The following UBE2E1 variants were observed in gnomAD, a reference collection of about 807,000 sequenced individuals.
UBE2E1 encodes ubiquitin conjugating enzyme E2 E1, also known as ubiquitin-conjugating enzyme E2 E1.
UBE2E1 carries 6 observed loss-of-function variants against 21.4 expected under a neutral mutation model. The observed-to-expected ratio is 0.28, with a 90% CI of 0.15 to 0.55. The LOEUF is 0.55. Ranked by LOEUF, UBE2E1 falls within the 20% of genes least tolerant of loss-of-function variation. The probability of loss-of-function intolerance (pLI) is 0.93; values close to 1 mark genes in which losing one functional copy is unlikely to be tolerated. For synonymous variants in UBE2E1, 87 were observed against 82.7 expected (o/e 1.05, Z -0.28); for missense variants, 142 against 236.5 (o/e 0.60, Z 2.62).
chr3:23,871,568 T>C (rs1256877110), intron 3 of UBE2E1, among the ~76,000 whole-genome samples: 2 of 145,250 alleles, frequency 1.4e-5, no homozygotes, highest in African/African-American at 2.6e-5. Context: ...CGCTCCTCAC[T>C]TCCCAGACGG....
rs559305993 is a variant in UBE2E1 at position 23,879,734 on chromosome 3, C to T, written c.204-7833C>T. Among the ~76,000 whole-genome samples the T allele has an allele frequency of 3.3e-5, 5 of 152,294 alleles. No individual in the cohort carries two copies. In the South Asian group the frequency reaches 6.2e-4, roughly 19 times the overall value. Reference sequence around the variant, plus strand: ...TGTGCCTGGCTGCTCTAACAGTGCTCGCCCAGCAGTCCGCAAGTCTGTTTC... The same window carrying T: ...TGTGCCTGGCTGCTCTAACAGTGCTTGCCCAGCAGTCCGCAAGTCTGTTTC... On this transcript the variant is annotated intron_variant, in intron 3 of 5. Transcript: ENST00000306627.
intron 3 of UBE2E1, among the ~76,000 whole-genome samples, chr3:23,841,163 A>T (rs1258762608): frequency 1.3e-5 from 2 of 152,236 alleles, no homozygotes; most frequent in Admixed American, 6.5e-5. Flanking sequence ...GATTGAAAAG[A>T]TATAAAGAGT....
chr3:23,809,308 G>C (rs1175688145), intron 2 of UBE2E1, among the ~76,000 whole-genome samples: 2 of 152,176 alleles, frequency 1.3e-5, no homozygotes, highest in Non-Finnish European at 2.9e-5. Flanking sequence ...GGGGAAAATT[G>C]ATGTTAGTGG....
chr3:23,811,817 G>T (rs1168500892), intron 3 of UBE2E1, among the ~76,000 whole-genome samples: 4 of 152,186 alleles, frequency 2.6e-5, no homozygotes, highest in African/African-American at 9.7e-5. Flanking sequence ...CATTAAAGAT[G>T]ATGTAAAACC....
In UBE2E1 at chr3:23,842,198, G is replaced by GGGGGTGTGT. The variant is rs1553637704; in HGVS notation, c.203+30689_203+30690insGGGTGTGTG. ...TATGTCATGACCCAGTAAGTGAAGG[G>GGGGGTGTGT]GTGTGTGTGTGTGTGTGTGTGTGTG... On this transcript the variant is annotated intron_variant, in intron 3 of 5. Coordinates refer to ENST00000306627, the MANE Select transcript of UBE2E1 (RefSeq NM_003341.5). The surrounding 1 kb of genome is among the most constrained non-coding windows in gnomAD (Gnocchi z 4.6). Among the ~76,000 whole-genome samples the GGGGGTGTGT allele has an allele frequency of 5.8e-5, 6 of 104,284 alleles. No homozygotes were observed. The highest frequency in any genetic ancestry group is 2.2e-4 in the African/African-American group (6 of 27,628). The allele number at this position is 104,284 out of a possible 152,430, so 68.4% of individuals were successfully genotyped here.
At chr3:23,868,801 A>G (rs367884534) in intron 3 of UBE2E1, among the ~76,000 whole-genome samples, 10 of 151,968 alleles carry the variant, frequency 6.6e-5, no homozygotes, top group Admixed American at 1.3e-4. Flanking sequence ...TATAACCACT[A>G]TTAAGTTCGG....
chr3:23,877,626 C>CCACT (rs1210562214), intron 3 of UBE2E1, among the ~76,000 whole-genome samples: 2 of 152,234 alleles, frequency 1.3e-5, no homozygotes, highest in South Asian at 4.2e-4. Flanking sequence ...CAGTTGAGAA[C>CCACT]CACTGCTCTA....
intron 3 of UBE2E1, among the ~76,000 whole-genome samples, chr3:23,859,929 T>C (rs536653089): frequency 5.8e-4 from 89 of 152,354 alleles, no homozygotes; most frequent in Non-Finnish European, 9.4e-4. Context: ...TTTCGTACTC[T>C]CATTGTTTCA....
At chr3:23,822,767 G>A (rs1319935466) in intron 3 of UBE2E1, among the ~76,000 whole-genome samples, 1 of 152,174 alleles carries the variant, frequency 6.6e-6, no homozygotes, top group Non-Finnish European at 1.5e-5. Context: ...TTGGATATAT[G>A]TATTTACTTT....
intron 3 of UBE2E1, among the ~76,000 whole-genome samples, chr3:23,846,145 A>G (rs6550804): frequency 0.77 from 117,434 of 152,228 alleles, 45,817 homozygotes; most frequent in African/African-American, 0.85. Context: ...CAGTACCTGT[A>G]AGAGAAAGTA....
Position 23,806,510 on chromosome 3 carries a change from C to A in UBE2E1, c.-34+422C>A, listed in dbSNP as rs1699272925. Among the ~76,000 whole-genome samples, 1 of 151,650 alleles carries A rather than the reference C, an allele frequency of 6.6e-6. No individual in the cohort carries two copies. The highest frequency in any genetic ancestry group is 1.5e-5 in the Non-Finnish European group (1 of 67,824). On this transcript the variant is annotated intron_variant, in intron 1 of 5. Transcript: ENST00000306627. The surrounding 1 kb of genome is among the most constrained non-coding windows in gnomAD (Gnocchi z 6.5). ...TTATGTCTTCGCTGCGGAGGCCGACCCCCCCATTCCCCGCCGCAGCCCCTA... is the reference window on the plus strand; with the variant it reads ...TTATGTCTTCGCTGCGGAGGCCGACACCCCCATTCCCCGCCGCAGCCCCTA...
chr3:23,871,201 C>G (rs1700777483), intron 3 of UBE2E1, among the ~76,000 whole-genome samples: 3 of 150,710 alleles, frequency 2.0e-5, no homozygotes, highest in African/African-American at 4.9e-5. Flanking sequence ...GGTACACCTC[C>G]CAGACGGGGT....
intron 3 of UBE2E1, among the ~76,000 whole-genome samples, chr3:23,832,880 T>A (rs1699898917): frequency 6.6e-6 from 1 of 151,346 alleles, no homozygotes; most frequent in Admixed American, 6.6e-5. Flanking sequence ...AAACAAATTT[T>A]AAAAAATAAT....
rs1007048127 is a variant in UBE2E1, at chr3:23,887,290, ACG to A, written c.204-276_204-275del. Among the ~76,000 whole-genome samples, 1 of 152,176 alleles carries A rather than the reference ACG, an allele frequency of 6.6e-6. No individual in the cohort carries two copies. Among genetic ancestry groups the A allele is most frequent in the Non-Finnish European group, 1.5e-5 (1 of 68,030 alleles). On this transcript the variant is annotated intron_variant, in intron 3 of 5. Transcript: ENST00000306627. The surrounding 1 kb of genome is among the most constrained non-coding windows in gnomAD (Gnocchi z 4.4). ...TTTTAAGTATTGTTTACACTTTCCT[ACG>A]TGTCCAGGAGAGTTTTGAGAATTGA...
rs762560871 is a variant in UBE2E1, at chr3:23,882,241, AGCTGATTGGTCTGCTTTGACAGGGT to A, written c.204-5315_204-5291del. ...CAGAGAGCTGATTGGTTTTACAGAG[AGCTGATTGGTCTGCTTTGACAGGGT>A]GCTGATTGGTGCGTTTACAATCTCT... On this transcript the variant is annotated intron_variant, in intron 3 of 5. Coordinates refer to ENST00000306627, the MANE Select transcript of UBE2E1 (RefSeq NM_003341.5). 7.7e-3 allele frequency among the ~76,000 whole-genome samples: 1,062 copies of A among 138,438 alleles called. 5 individuals are homozygous for A. Among genetic ancestry groups the A allele is most frequent in the Non-Finnish European group, 0.012 (791 of 65,260 alleles). The allele number at this position is 138,438 out of a possible 152,430, so 90.8% of individuals were successfully genotyped here.
Position 23,810,408 on chromosome 3 carries a change from AGGGTT to A in UBE2E1, c.153-1049_153-1045del. 2.0e-6 allele frequency: 3 copies of A among 1,533,312 alleles called. No homozygotes were observed. In the South Asian group the frequency reaches 3.6e-5, roughly 18 times the overall value. The allele number at this position is 1,533,312 out of a possible 1,614,324, so 95.0% of individuals were successfully genotyped here. The stretch of plus-strand genomic sequence containing the variant: ...GGGGATGGGGCCCTTTGTGAAGTCG[AGGGTT>A]GGTGCGGAGGGAGAAAACTGCAGGT... On this transcript the variant is annotated intron_variant, in intron 2 of 5. Coordinates refer to ENST00000306627, the MANE Select transcript of UBE2E1 (RefSeq NM_003341.5). This position sits in a 1 kb window ranked among gnomAD's most constrained non-coding sequence, Gnocchi z 5.8.
chr3:23,871,978 G>A (rs1256653975), intron 3 of UBE2E1, among the ~76,000 whole-genome samples: 3 of 150,722 alleles, frequency 2.0e-5, no homozygotes, highest in African/African-American at 5.0e-5. Context: ...GGTGGCGGCT[G>A]GGCAGAGGCT....
At chr3:23,811,003 G>A (rs1479776017) in intron 2 of UBE2E1, 1 of 167,856 alleles carries the variant, frequency 6.0e-6, no homozygotes, top group African/African-American at 2.4e-5. Flanking sequence ...TCGGCCTGTC[G>A]GGGGCGCCCT....
At chr3:23,834,933 G>A (rs1295312246) in intron 3 of UBE2E1, among the ~76,000 whole-genome samples, 1 of 151,896 alleles carries the variant, frequency 6.6e-6, no homozygotes, top group African/African-American at 2.4e-5. Context: ...TAAGACTTGT[G>A]GTATTCCCTG....
Sources: allele counts gnomAD v4.1 joint callset (sites outside exome capture counted in the v4.1 genomes callset), GRCh38; gene constraint gnomAD v4.1.1; non-coding constraint Gnocchi (gnomAD v3.1); transcripts MANE v1.5; gene names NCBI Gene and HGNC (gene_info 2026-07-23, HGNC 2026-07-21).